UGT1A9: variants seen among roughly 807,000 people sequenced by gnomAD.
The protein encoded by UGT1A9 is UDP-glucuronosyltransferase 1A9.
A neutral mutation model predicts 45.0 loss-of-function variants in UGT1A9; 35 were observed. The ratio of observed to expected loss-of-function variants is 0.78; its 90% confidence interval spans 0.59 to 1.03. The LOEUF (loss-of-function observed/expected upper bound fraction) is 1.03. UGT1A9 is among the 50% of genes least tolerant of loss of function. The pLI, the probability that UGT1A9 is intolerant of heterozygous loss-of-function variation, is 0.00. For synonymous variants in UGT1A9, 278 were observed against 250.6 expected (o/e 1.11, Z -1.03); for missense variants, 687 against 666.6 (o/e 1.03, Z -0.34).
intron 1 of UGT1A9, chr2:233,719,514 G>A: frequency 6.2e-7 from 1 of 1,613,922 alleles, no homozygotes; most frequent in Non-Finnish European, 8.5e-7. Context: ...TGCCCCTTAT[G>A]CAAGTCTTGC....
In UGT1A9 at chr2:233,767,873, C is replaced by G. The variant is rs72551349; in HGVS notation, c.1012C>G (p.Arg338Gly). ...QTVLWRYTGT[R>G]PSNLANNTIL... is the part of the protein sequence containing the mutation. ...GGTCCTGTGGCGGTACACTGGAACC[C>G]GACCATCGAATCTTGCGAACAACAC... The change falls in exon 3 of 5, where the codon CGA becomes GGA. Residue 338 changes from arginine to glycine, a missense_variant. Arg to Gly is a moderately radical substitution (Grantham distance 125, BLOSUM62 -2). Coordinates refer to ENST00000354728, the MANE Select transcript of UGT1A9 (RefSeq NM_021027.3). 2 of 1,614,156 alleles carry G rather than the reference C, an allele frequency of 1.2e-6. No individual in the cohort carries two copies. The highest frequency in any genetic ancestry group is 1.7e-5 in the Admixed American group (1 of 60,012).
intron 1 of UGT1A9, among the ~76,000 whole-genome samples, chr2:233,742,120 G>A (rs910307834): frequency 2.0e-5 from 3 of 151,826 alleles, no homozygotes; most frequent in South Asian, 4.1e-4. Context: ...CAGCTTGGTC[G>A]TGGAGACCCT....
At chr2:233,711,284 C>G (rs1473595982) in intron 1 of UGT1A9, among the ~76,000 whole-genome samples, 2 of 152,164 alleles carry the variant, frequency 1.3e-5, no homozygotes, top group African/African-American at 4.8e-5. Flanking sequence ...GAGTCCTAGA[C>G]GTGGGAGTAG....
At chr2:233,729,463 A>G (rs369094416) in intron 1 of UGT1A9, 48 of 1,614,060 alleles carry the variant, frequency 3.0e-5, no homozygotes, top group African/African-American at 4.0e-5. Flanking sequence ...ATTTTTCAGA[A>G]GTATGGCAAT....
chr2:233,770,652 C>T (rs985386042), intron 4 of UGT1A9: 7 of 150,004 alleles, frequency 4.7e-5, no homozygotes, highest in Non-Finnish European at 1.0e-4. Context: ...AGTGAGACTC[C>T]GTCTTACTTA....
At chr2:233,752,418 C>G (rs969012523) in intron 1 of UGT1A9, 2 of 152,110 alleles carry the variant, frequency 1.3e-5, no homozygotes, top group African/African-American at 2.4e-5. Context: ...TTCTGAAAAC[C>G]TGATTTATCG....
intron 1 of UGT1A9, among the ~76,000 whole-genome samples, chr2:233,701,040 G>A (rs1195545458): frequency 2.6e-5 from 4 of 152,104 alleles, no homozygotes; most frequent in African/African-American, 9.7e-5. Flanking sequence ...CCCTACAAAG[G>A]ACATGAACTC....
rs188974985 is a variant in UGT1A9 at position 233,689,973 on chromosome 2, C to T, written c.855+17184C>T. 1.3e-5 allele frequency: 6 copies of T among 455,414 alleles called. No individual in the cohort carries two copies. In the East Asian group the frequency reaches 3.5e-4, roughly 26 times the overall value. 28.2% of individuals were successfully genotyped at this position (455,414 alleles called of 1,614,324 possible). A position where few individuals can be genotyped will look rare whatever the true frequency, so the allele number is the denominator to read the frequency against. Reference sequence around the variant, plus strand: ...TTATTTCCATGCTTGGAGGAACCCACAGGCCCCTAAAAGGGATTCTCACTT... The same window carrying T: ...TTATTTCCATGCTTGGAGGAACCCATAGGCCCCTAAAAGGGATTCTCACTT... On this transcript the variant is annotated intron_variant, in intron 1 of 4. Coordinates refer to ENST00000354728, the MANE Select transcript of UGT1A9 (RefSeq NM_021027.3).
intron 1 of UGT1A9, among the ~76,000 whole-genome samples, chr2:233,758,654 A>G (rs1263947791): frequency 6.6e-6 from 1 of 152,140 alleles, no homozygotes; most frequent in Non-Finnish European, 1.5e-5. Flanking sequence ...ATGAGAGGGT[A>G]CCCTAATTAC....
intron 1 of UGT1A9, chr2:233,753,062 C>G (rs746941166): frequency 3.9e-5 from 6 of 152,186 alleles, no homozygotes; most frequent in African/African-American, 4.8e-5. Flanking sequence ...TGCCTTCCTC[C>G]CACCTCAAAA....
At chr2:233,742,286 A>G (rs1691931805) in intron 1 of UGT1A9, among the ~76,000 whole-genome samples, 1 of 152,016 alleles carries the variant, frequency 6.6e-6, no homozygotes, top group African/African-American at 2.4e-5. Context: ...CATCATTTCT[A>G]TAGATTATAG....
At chr2:233,717,798 C>T (rs528751342) in intron 1 of UGT1A9, 2 of 456,098 alleles carry the variant, frequency 4.4e-6, no homozygotes, top group East Asian at 6.9e-5. Flanking sequence ...TGAAGTAGTG[C>T]CCCCACAAAT....
chr2:233,740,602 C>T (rs1333865723), intron 1 of UGT1A9: 1 of 151,786 alleles, frequency 6.6e-6, no homozygotes, highest in Non-Finnish European at 1.5e-5. Context: ...TTACAGGTCT[C>T]CAGGTCTCTT....
At position 233,713,657 on chromosome 2, in the gene UGT1A9, C is replaced by T. The variant is rs763333257; in HGVS notation, c.855+40868C>T. 2.0e-5 allele frequency: 32 copies of T among 1,613,872 alleles called. No homozygotes were observed. In the South Asian group the frequency reaches 2.1e-4, roughly 11 times the overall value. ...TGCTCTACCCTCTGGCCCTGTCCTACCTTTGCCATGCTGTTTCTGCTCCTT... is the reference window on the plus strand; with the variant it reads ...TGCTCTACCCTCTGGCCCTGTCCTATCTTTGCCATGCTGTTTCTGCTCCTT... On this transcript the variant is annotated intron_variant, in intron 1 of 4. Transcript: ENST00000354728.
chr2:233,740,789 C>T (rs1289641482), intron 1 of UGT1A9: 2 of 151,852 alleles, frequency 1.3e-5, no homozygotes, highest in Non-Finnish European at 2.9e-5. Context: ...TGAATACCCA[C>T]ATAACAGGCT....
Position 233,674,661 on chromosome 2 carries a change from T to A in UGT1A9, c.855+1872T>A, listed in dbSNP as rs186446222. Reference sequence around the variant, plus strand: ...GATTATAAATATCTTTTATGAGATATGAAATAAATGTGTTTATGTGTCTAT... The same window carrying A: ...GATTATAAATATCTTTTATGAGATAAGAAATAAATGTGTTTATGTGTCTAT... On this transcript the variant is annotated intron_variant, in intron 1 of 4. Transcript: ENST00000354728. Among the ~76,000 whole-genome samples the A allele has an allele frequency of 2.6e-5, 4 of 152,304 alleles. No individual in the cohort carries two copies. The East Asian group carries it at 7.7e-4, about 29-fold the overall frequency.
At chr2:233,724,171 C>T (rs1472955249) in intron 1 of UGT1A9, among the ~76,000 whole-genome samples, 39 of 91,410 alleles carry the variant, frequency 4.3e-4, no homozygotes, top group South Asian at 7.8e-4. Context: ...CTGACCCCCC[C>T]ATCTCCCTCC....
chr2:233,673,022 C>T (rs1425676122), intron 1 of UGT1A9, among the ~76,000 whole-genome samples: 2 of 152,146 alleles, frequency 1.3e-5, no homozygotes, highest in Admixed American at 6.5e-5. Flanking sequence ...ATTCAGCCTA[C>T]ATTTTTAAGT....
intron 1 of UGT1A9, chr2:233,713,775 G>T: frequency 6.2e-7 from 1 of 1,614,026 alleles, no homozygotes; most frequent in Non-Finnish European, 8.5e-7. Flanking sequence ...AGGGGACTTT[G>T]TGATGGATTA....
Sources: allele counts gnomAD v4.1 joint callset (sites outside exome capture counted in the v4.1 genomes callset), GRCh38; gene constraint gnomAD v4.1.1; transcripts MANE v1.5; gene names NCBI Gene and HGNC (gene_info 2026-07-23, HGNC 2026-07-21).